The following PRKAG2 variants were observed in gnomAD, a reference collection of about 807,000 sequenced individuals.
PRKAG2 encodes the protein protein kinase AMP-activated non-catalytic subunit gamma 2, also known as 5'-AMP-activated protein kinase subunit gamma-2.
Under a neutral mutation model 69.6 loss-of-function variants are expected in PRKAG2, and 26 were observed. The ratio of observed to expected loss-of-function variants is 0.37; its 90% CI spans 0.27 to 0.52. The LOEUF (loss-of-function observed/expected upper bound fraction) is 0.52. Ranked by LOEUF, PRKAG2 falls within the 20% of genes least tolerant of loss-of-function variation. PRKAG2 has a pLI of 0.90. For synonymous variants in PRKAG2, 293 were observed against 285.0 expected, an observed-to-expected ratio of 1.03 and a Z score of -0.28; for missense variants, 557 against 740.0, an observed-to-expected ratio of 0.75 and a Z score of 2.87.
intron 5 of PRKAG2, among the ~76,000 whole-genome samples, chr7:151,610,731 TTTC>T (rs1818597510): frequency 9.8e-6 from 1 of 101,598 alleles, no homozygotes; most frequent in Non-Finnish European, 2.0e-5. Context: ...ATAAATATTT[TTTC>T]TTTTCTTTTT....
chr7:151,619,908 C>A (rs1821061760), intron 5 of PRKAG2, among the ~76,000 whole-genome samples: 2 of 152,294 alleles, frequency 1.3e-5, no homozygotes, highest in South Asian at 4.1e-4. Flanking sequence ...GTAATCCCAG[C>A]TACTCGGGAG....
chr7:151,634,073 T>G (rs978068293), intron 4 of PRKAG2, among the ~76,000 whole-genome samples: 1 of 152,162 alleles, frequency 6.6e-6, no homozygotes, highest in African/African-American at 2.4e-5. Flanking sequence ...GGGACTACAG[T>G]AGAATTCTTT....
rs73728434 is a variant in PRKAG2 at position 151,867,468 on chromosome 7, G to A, written c.114+9039C>T. Among the ~76,000 whole-genome samples, 289 of 152,202 alleles carry A rather than the reference G, an allele frequency of 1.9e-3. 2 individuals are homozygous for A. The highest frequency in any genetic ancestry group is 6.8e-3 in the African/African-American group (281 of 41,534). On this transcript the variant is annotated intron_variant, in intron 1 of 15. Transcript: ENST00000287878. ...CAGCAGCTCTGCAATCTCTGCCTCC[G>A]CCCTCACAGGCCTTCTTGCCTGTGC...
At chr7:151,803,048 C>T (rs1178865014) in intron 1 of PRKAG2, among the ~76,000 whole-genome samples, 1 of 151,794 alleles carries the variant, frequency 6.6e-6, no homozygotes, top group Non-Finnish European at 1.5e-5. Context: ...ACCTTCACCT[C>T]CTGGGTTCAA....
rs961185630 is a variant in PRKAG2 at position 151,807,082 on chromosome 7, G to A, written c.115-20541C>T. 4 of 421,870 alleles carry A rather than the reference G, an allele frequency of 9.5e-6. No individual in the cohort carries two copies. The highest frequency in any genetic ancestry group is 2.8e-5 in the Admixed American group (1 of 35,208). The allele number at this position is 421,870 out of a possible 1,614,324, so 26.1% of individuals were successfully genotyped here. ...CAAGTCTGAAGGTGGAGGTGGGGAA[G>A]GGCAGAGGCTGTAAAGGGTCAGAGG... is the stretch of plus-strand genomic sequence containing the variant. On this transcript the variant is annotated intron_variant, in intron 1 of 15. Coordinates refer to ENST00000287878, the MANE Select transcript of PRKAG2 (RefSeq NM_016203.4). This position sits in a 1 kb window ranked among gnomAD's most constrained non-coding sequence, Gnocchi z 4.4.
At chr7:151,794,770 C>T (rs1037430895) in intron 1 of PRKAG2, among the ~76,000 whole-genome samples, 9 of 152,238 alleles carry the variant, frequency 5.9e-5, no homozygotes, top group African/African-American at 1.7e-4. Context: ...GACTTGTGCA[C>T]GGCAGTTCTA....
chr7:151,758,416 G>A (rs1471010253), intron 3 of PRKAG2, among the ~76,000 whole-genome samples: 1 of 152,230 alleles, frequency 6.6e-6, no homozygotes, highest in African/African-American at 2.4e-5. Flanking sequence ...TGAGATAAAT[G>A]TGTCAACTAC....
At chr7:151,793,173 A>T (rs2077344905) in intron 1 of PRKAG2, among the ~76,000 whole-genome samples, 1 of 152,196 alleles carries the variant, frequency 6.6e-6, no homozygotes, top group Non-Finnish European at 1.5e-5. Flanking sequence ...GCATGTTCTC[A>T]TCTCCTATCT....
chr7:151,784,220 G>A (rs905601021), intron 2 of PRKAG2, among the ~76,000 whole-genome samples: 8 of 152,162 alleles, frequency 5.3e-5, no homozygotes, highest in Admixed American at 1.3e-4. Flanking sequence ...TGGGAGGACC[G>A]GAGGGAGGGG....
In PRKAG2 at chr7:151,777,185, T is replaced by C. The variant is rs1156987531; in HGVS notation, c.466+3967A>G. Among the ~76,000 whole-genome samples, 4 of 152,184 alleles carry C rather than the reference T, an allele frequency of 2.6e-5. No homozygotes were observed. The highest frequency in any genetic ancestry group is 1.9e-4 in the East Asian group (1 of 5,182). ...GAAGGGGCCATGGCCAGGTTCAGCA[T>C]GGGCCCCGAGGTCTAGCTCTTCACT... is the stretch of plus-strand genomic sequence containing the variant. On this transcript the variant is annotated intron_variant, in intron 3 of 15. Transcript: ENST00000287878. The surrounding 1 kb of genome is among the most constrained non-coding windows in gnomAD (Gnocchi z 4.3).
At chr7:151,805,183 G>C (rs375397937) in intron 1 of PRKAG2, among the ~76,000 whole-genome samples, 233 of 152,272 alleles carry the variant, frequency 1.5e-3, no homozygotes, top group Non-Finnish European at 2.5e-3. Flanking sequence ...AAGGAACCTC[G>C]CAGTTCCTCC....
At chr7:151,714,494 G>A (rs995444975) in intron 3 of PRKAG2, among the ~76,000 whole-genome samples, 2 of 143,934 alleles carry the variant, frequency 1.4e-5, no homozygotes, top group East Asian at 2.3e-4. Context: ...CACGCACCAC[G>A]TCCTCCCATC....
At chr7:151,649,121 T>C (rs1336565571) in intron 4 of PRKAG2, among the ~76,000 whole-genome samples, 1 of 151,852 alleles carries the variant, frequency 6.6e-6, no homozygotes, top group Non-Finnish European at 1.5e-5. Context: ...GATTATTTTA[T>C]TTTATTTTAT....
intron 4 of PRKAG2, among the ~76,000 whole-genome samples, chr7:151,659,080 T>C (rs1829917209): frequency 6.6e-6 from 1 of 152,232 alleles, no homozygotes; most frequent in Non-Finnish European, 1.5e-5. Context: ...AGTAACTTGC[T>C]ACAGTGCTGT....
intron 1 of PRKAG2, among the ~76,000 whole-genome samples, chr7:151,829,663 T>C (rs1021378547): frequency 3.3e-5 from 5 of 152,052 alleles, no homozygotes; most frequent in Non-Finnish European, 5.9e-5. Flanking sequence ...GAACACGGTA[T>C]ATTCATACAA....
At chr7:151,832,564 G>C (rs1178788198) in intron 1 of PRKAG2, among the ~76,000 whole-genome samples, 4 of 149,102 alleles carry the variant, frequency 2.7e-5, no homozygotes, top group Admixed American at 6.8e-5. Flanking sequence ...CCCTTCCCCT[G>C]GGGCTGGTCT....
At chr7:151,838,462 C>T (rs1004104589) in intron 1 of PRKAG2, among the ~76,000 whole-genome samples, 2 of 151,132 alleles carry the variant, frequency 1.3e-5, no homozygotes, top group Non-Finnish European at 2.9e-5. Context: ...AATCCCAGCA[C>T]TTTGGGAGGC....
At chr7:151,619,260 C>T (rs535912949) in intron 5 of PRKAG2, among the ~76,000 whole-genome samples, 3 of 152,302 alleles carry the variant, frequency 2.0e-5, no homozygotes, top group Non-Finnish European at 4.4e-5. Flanking sequence ...AGCTGGAGAA[C>T]GGTGATGGCC....
At chr7:151,704,645 A>G (rs1262029593) in intron 3 of PRKAG2, among the ~76,000 whole-genome samples, 2 of 152,236 alleles carry the variant, frequency 1.3e-5, no homozygotes, top group Non-Finnish European at 2.9e-5. Flanking sequence ...TATTCAGCAC[A>G]GAAGACATTA....
Sources: allele counts gnomAD v4.1 joint callset (sites outside exome capture counted in the v4.1 genomes callset), GRCh38; gene constraint gnomAD v4.1.1; non-coding constraint Gnocchi (gnomAD v3.1); transcripts MANE v1.5; gene names NCBI Gene and HGNC (gene_info 2026-07-23, HGNC 2026-07-21).